FHIT: variants seen among roughly 807,000 people sequenced by gnomAD.
FHIT encodes the protein bis(5'-adenosyl)-triphosphatase.
FHIT carries 19 observed loss-of-function variants against 17.9 expected under a neutral mutation model. The observed-to-expected ratio is 1.06, with a 90% confidence interval of 0.74 to 1.56. The LOEUF is 1.56. Among genes scored for constraint, FHIT ranks in the 40% most tolerant of loss-of-function variants. The probability of loss-of-function intolerance (pLI) is 0.00; values close to 1 mark genes in which losing one functional copy is unlikely to be tolerated. For missense variants in FHIT, 248 were observed against 189.2 expected, an observed-to-expected ratio of 1.31 and a Z score of -1.82; for synonymous variants, 81 against 69.7, an observed-to-expected ratio of 1.16 and a Z score of -0.81.
At chr3:60,354,672 C>A (rs1354916117) in intron 5 of FHIT, among the ~76,000 whole-genome samples, 1 of 152,128 alleles carries the variant, frequency 6.6e-6, no homozygotes, top group African/African-American at 2.4e-5. Flanking sequence ...TCAAAGCCAA[C>A]TAATTCAATC....
intron 4 of FHIT, among the ~76,000 whole-genome samples, chr3:60,742,400 C>T (rs1227398646): frequency 6.6e-6 from 1 of 152,136 alleles, no homozygotes; most frequent in Non-Finnish European, 1.5e-5. Flanking sequence ...AGAGCATGTT[C>T]AGTTTTTCTG....
chr3:60,614,564 C>T (rs925851266), intron 4 of FHIT, among the ~76,000 whole-genome samples: 7 of 151,946 alleles, frequency 4.6e-5, no homozygotes, highest in African/African-American at 9.7e-5. Context: ...AGATCGATCA[C>T]GTCATTGCAC....
intron 4 of FHIT, among the ~76,000 whole-genome samples, chr3:60,568,252 A>C (rs1246544956): frequency 6.6e-6 from 1 of 152,214 alleles, no homozygotes; most frequent in African/African-American, 2.4e-5. Context: ...TGTGGCACAC[A>C]TACACCATGG....
intron 4 of FHIT, among the ~76,000 whole-genome samples, chr3:60,626,592 A>G (rs1476463650): frequency 1.3e-5 from 2 of 152,048 alleles, no homozygotes; most frequent in East Asian, 1.9e-4. Flanking sequence ...TATTTCTGAT[A>G]GGTTTTTTAG....
At chr3:60,695,435 T>A (rs1553700434) in intron 4 of FHIT, among the ~76,000 whole-genome samples, 1 of 152,156 alleles carries the variant, frequency 6.6e-6, no homozygotes, top group South Asian at 2.1e-4. Flanking sequence ...ATGTTTTCAT[T>A]TGTATGAGAA....
chr3:60,886,748 G>A (rs1432610312), intron 3 of FHIT, among the ~76,000 whole-genome samples: 3 of 152,064 alleles, frequency 2.0e-5, no homozygotes, highest in Non-Finnish European at 2.9e-5. Context: ...GATCTTCCTG[G>A]TTAGGTCAGG....
At position 60,186,835 on chromosome 3, in the gene FHIT, C is replaced by G. The variant is rs148139595; in HGVS notation, c.104-172683G>C. 5.7e-4 allele frequency among the ~76,000 whole-genome samples: 86 copies of G among 151,050 alleles called. No homozygotes were observed. The East Asian group carries it at 0.016, about 28-fold the overall frequency. On this transcript the variant is annotated intron_variant, in intron 5 of 9. Transcript: ENST00000492590. ...TATTTGTTTTTTTTTTTAACAAATACCACCATCTTTTCATTTTCTTCCTAT... is the reference window on the plus strand; with the variant it reads ...TATTTGTTTTTTTTTTTAACAAATAGCACCATCTTTTCATTTTCTTCCTAT...
chr3:60,742,957 A>G (rs1173529507), intron 4 of FHIT, among the ~76,000 whole-genome samples: 1 of 152,222 alleles, frequency 6.6e-6, no homozygotes, highest in Non-Finnish European at 1.5e-5. Context: ...CATCCTTTCA[A>G]AGGTCTGCCC....
chr3:60,706,933 A>G (rs2107923857), intron 4 of FHIT, among the ~76,000 whole-genome samples: 1 of 152,332 alleles, frequency 6.6e-6, no homozygotes, highest in East Asian at 1.9e-4. Context: ...TCCGAGAATT[A>G]ATTGTACTGC....
chr3:60,499,698 A>G (rs1553635247), intron 5 of FHIT, among the ~76,000 whole-genome samples: 1 of 152,070 alleles, frequency 6.6e-6, no homozygotes, highest in Non-Finnish European at 1.5e-5. Context: ...TTTTTTAAAC[A>G]TTATTGAGCA....
intron 5 of FHIT, among the ~76,000 whole-genome samples, chr3:60,473,243 C>A (rs3856654): frequency 6.6e-6 from 1 of 151,976 alleles, no homozygotes; most frequent in Non-Finnish European, 1.5e-5. Context: ...AGATAGCTGG[C>A]TTCTTCGATA....
At chr3:60,000,027 C>T (rs538916087) in intron 7 of FHIT, among the ~76,000 whole-genome samples, 2 of 152,282 alleles carry the variant, frequency 1.3e-5, no homozygotes, top group South Asian at 4.1e-4. Context: ...GCCTCAGCAT[C>T]TGTTTTGCTC....
At chr3:61,207,319 T>C (rs1160547189) in intron 1 of FHIT, among the ~76,000 whole-genome samples, 1 of 152,200 alleles carries the variant, frequency 6.6e-6, no homozygotes, top group Non-Finnish European at 1.5e-5. Context: ...GGTATCAGGA[T>C]GATGCTGGCC....
At position 60,282,671 on chromosome 3, in the gene FHIT, G is replaced by A. The variant is rs529452667; in HGVS notation, c.103+254189C>T. On this transcript the variant is annotated intron_variant, in intron 5 of 9. Coordinates refer to ENST00000492590, the MANE Select transcript of FHIT (RefSeq NM_002012.4). ...AGTAGGAGACACTTGGTGGTGGGGC[G>A]GGGATGGGGGAATAGTGGCGACACG... Among the ~76,000 whole-genome samples, 10 of 152,210 alleles carry A rather than the reference G, an allele frequency of 6.6e-5. No individual in the cohort carries two copies. The South Asian group carries it at 1.0e-3, about 16-fold the overall frequency.
At chr3:59,918,855 T>C (rs1705266925) in intron 8 of FHIT, among the ~76,000 whole-genome samples, 1 of 152,084 alleles carries the variant, frequency 6.6e-6, no homozygotes, top group African/African-American at 2.4e-5. Context: ...CAAAAATACT[T>C]TGCAGGCAAA....
intron 5 of FHIT, among the ~76,000 whole-genome samples, chr3:60,179,584 G>T (rs1701833185): frequency 6.6e-6 from 1 of 151,890 alleles, no homozygotes; most frequent in South Asian, 2.1e-4. Flanking sequence ...TAAGAACAGG[G>T]TCTTTCTGCC....
At chr3:60,564,290 C>T (rs982728305) in intron 4 of FHIT, among the ~76,000 whole-genome samples, 3 of 152,170 alleles carry the variant, frequency 2.0e-5, no homozygotes, top group African/African-American at 7.2e-5. Context: ...CCAAATATTA[C>T]TGCTTACTGA....
chr3:60,456,730 T>C (rs2032119842), intron 5 of FHIT, among the ~76,000 whole-genome samples: 1 of 152,166 alleles, frequency 6.6e-6, no homozygotes, highest in Non-Finnish European at 1.5e-5. Flanking sequence ...TGTGTTGACA[T>C]CTTACCCAAA....
chr3:59,930,953 G>C (rs1705941560), intron 7 of FHIT, among the ~76,000 whole-genome samples: 2 of 152,144 alleles, frequency 1.3e-5, no homozygotes, highest in South Asian at 4.1e-4. Flanking sequence ...TCAGTCACTG[G>C]AGATGGGTGG....
Sources: gnomAD v4.1 joint callset for allele counts (sites outside exome capture counted in the v4.1 genomes callset) on GRCh38, gnomAD v4.1.1 for gene constraint, MANE v1.5 for transcripts, NCBI Gene and HGNC (gene_info 2026-07-23, HGNC 2026-07-21) for gene names.